The following LEPR variants were observed in gnomAD, a reference collection of about 807,000 sequenced individuals.
LEPR encodes leptin receptor.
A neutral mutation model predicts 114.7 loss-of-function variants in LEPR; 56 were observed. The observed-to-expected ratio is 0.49, with a 90% CI of 0.39 to 0.61. LEPR has a LOEUF of 0.61. Ranked by LOEUF, LEPR falls within the 20% of genes least tolerant of loss-of-function variation. The probability of loss-of-function intolerance (pLI) is 0.00; values close to 1 mark genes in which losing one functional copy is unlikely to be tolerated. For synonymous variants in LEPR, 443 were observed against 461.4 expected, an observed-to-expected ratio of 0.96 and a Z score of 0.51; for missense variants, 1,202 against 1,352.9, an observed-to-expected ratio of 0.89 and a Z score of 1.75.
At chr1:65,629,372 GT>G (rs1234256968) in intron 19 of LEPR, 7 of 439,724 alleles carry the variant, frequency 1.6e-5, no homozygotes, top group South Asian at 8.2e-5. Context: ...TTTGTCTGTG[GT>G]TTATTTTTAA....
At chr1:65,446,764 A>G (rs1646719325) in intron 2 of LEPR, among the ~76,000 whole-genome samples, 1 of 152,136 alleles carries the variant, frequency 6.6e-6, no homozygotes, top group Admixed American at 6.5e-5. Flanking sequence ...CCTAACTGCT[A>G]GATGATGTGG....
At chr1:65,585,967 TAAAG>T (rs1256629647) in intron 5 of LEPR, among the ~76,000 whole-genome samples, 1 of 152,010 alleles carries the variant, frequency 6.6e-6, no homozygotes, top group African/African-American at 2.4e-5. Context: ...TGTTTTTCCT[TAAAG>T]AAAAGAATCA....
intron 2 of LEPR, among the ~76,000 whole-genome samples, chr1:65,468,066 A>G (rs1418383909): frequency 4.6e-5 from 7 of 152,252 alleles, no homozygotes; most frequent in Admixed American, 6.5e-5. Flanking sequence ...ACCAGTCCCA[A>G]TGAGATGAAC....
chr1:65,571,856 T>A (rs1363168172), intron 4 of LEPR, among the ~76,000 whole-genome samples: 1 of 140,782 alleles, frequency 7.1e-6, no homozygotes, highest in Non-Finnish European at 1.5e-5. Context: ...TCTAGTCCCA[T>A]CTACTTAGGA....
chr1:65,504,696 G>A (rs955017322), intron 2 of LEPR, among the ~76,000 whole-genome samples: 2 of 151,948 alleles, frequency 1.3e-5, no homozygotes, highest in Non-Finnish European at 2.9e-5. Context: ...TTGGGATACT[G>A]GAACAGAAAA....
chr1:65,576,659 T>C (rs1332314915), intron 5 of LEPR: 1 of 157,948 alleles, frequency 6.3e-6, no homozygotes, highest in East Asian at 1.9e-4. Context: ...TGCTCACTGA[T>C]GGTTCCAAAG....
intron 2 of LEPR, among the ~76,000 whole-genome samples, chr1:65,462,798 T>G (rs1451746829): frequency 2.6e-5 from 4 of 152,248 alleles, no homozygotes; most frequent in Non-Finnish European, 4.4e-5. Flanking sequence ...AAATGTCTTC[T>G]TTTGAGAAAT....
chr1:65,623,906 T>C (rs1658036409), intron 19 of LEPR, among the ~76,000 whole-genome samples: 2 of 152,140 alleles, frequency 1.3e-5, no homozygotes, highest in Non-Finnish European at 2.9e-5. Flanking sequence ...TCACAGAGCC[T>C]TCCTTGTACA....
chr1:65,612,071 G>C (rs1657210599), intron 14 of LEPR, among the ~76,000 whole-genome samples: 2 of 152,154 alleles, frequency 1.3e-5, no homozygotes, highest in East Asian at 3.8e-4. Flanking sequence ...CCTAAACTGA[G>C]ATAATAGTTC....
chr1:65,575,422 T>G (rs1654515707), intron 5 of LEPR, among the ~76,000 whole-genome samples: 1 of 150,684 alleles, frequency 6.6e-6, no homozygotes, highest in Non-Finnish European at 1.5e-5. Context: ...TCCTTATAAC[T>G]TCATGCTTTC....
intron 2 of LEPR, among the ~76,000 whole-genome samples, chr1:65,496,411 A>G (rs1342538425): frequency 6.6e-6 from 1 of 152,026 alleles, no homozygotes; most frequent in African/African-American, 2.4e-5. Context: ...TGTCTCTACA[A>G]AAGAAAACCA....
intron 2 of LEPR, among the ~76,000 whole-genome samples, chr1:65,485,007 A>G (rs375516575): frequency 6.6e-6 from 1 of 152,222 alleles, no homozygotes; most frequent in East Asian, 1.9e-4. Flanking sequence ...ATGACCAAAA[A>G]TGCAGACAGA....
At chr1:65,465,329 G>A (rs143397435) in intron 2 of LEPR, among the ~76,000 whole-genome samples, 5 of 152,176 alleles carry the variant, frequency 3.3e-5, no homozygotes, top group Non-Finnish European at 2.9e-5. Flanking sequence ...ATGTAGTTGT[G>A]TGGTTTTGAG....
chr1:65,584,013 G>A (rs1397958576), intron 5 of LEPR, among the ~76,000 whole-genome samples: 1 of 152,096 alleles, frequency 6.6e-6, no homozygotes, highest in East Asian at 1.9e-4. Flanking sequence ...CAATAAAATA[G>A]TATTTATGGT....
chr1:65,532,889 G>A (rs74084010), intron 2 of LEPR, among the ~76,000 whole-genome samples: 5,180 of 152,180 alleles, frequency 0.034, 138 homozygotes, highest in African/African-American at 0.065. Context: ...ATAATATTTT[G>A]AAATTAGACA....
intron 2 of LEPR, among the ~76,000 whole-genome samples, chr1:65,543,555 C>T (rs1246095633): frequency 6.6e-6 from 1 of 151,988 alleles, no homozygotes; most frequent in African/African-American, 2.4e-5. Context: ...TGCCTATGCC[C>T]TGAATGGTGT....
chr1:65,594,477 A>T (rs1486348561), intron 6 of LEPR, among the ~76,000 whole-genome samples: 4 of 152,036 alleles, frequency 2.6e-5, no homozygotes, highest in African/African-American at 9.7e-5. Context: ...GTAGAGTGTG[A>T]AGGACAGAGG....
chr1:65,627,293 T>G (rs1658276429), intron 19 of LEPR, among the ~76,000 whole-genome samples: 1 of 152,214 alleles, frequency 6.6e-6, no homozygotes, highest in African/African-American at 2.4e-5. Flanking sequence ...ACGTATATTT[T>G]AACATCATAA....
chr1:65,602,136 T>C (rs1570793189), intron 10 of LEPR, among the ~76,000 whole-genome samples, 176 bp downstream of exon 10: 1 of 152,202 alleles, frequency 6.6e-6, no homozygotes, highest in African/African-American at 2.4e-5. Flanking sequence ...TTGAAAAATA[T>C]TCACACCTGA....
Sources: gnomAD v4.1 joint callset for allele counts (sites outside exome capture counted in the v4.1 genomes callset) on GRCh38, gnomAD v4.1.1 for gene constraint, MANE v1.5 for transcripts, NCBI Gene and HGNC (gene_info 2026-07-23, HGNC 2026-07-21) for gene names.